The following AVEN variants were observed in gnomAD, a reference collection of about 807,000 sequenced individuals.
AVEN encodes the protein cell death regulator Aven.
Under a neutral mutation model 38.1 loss-of-function variants are expected in AVEN, and 41 were observed. That is an observed-to-expected ratio of 1.08 (90% CI 0.84 to 1.40). AVEN has a LOEUF of 1.40. AVEN is among the 40% of genes most tolerant of loss of function. AVEN has a pLI of 0.00. For missense variants in AVEN, 605 were observed against 438.8 expected (o/e 1.38, Z -3.38); for synonymous variants, 206 against 171.8 (o/e 1.20, Z -1.56).
At chr15:33,961,870 T>A (rs1490642312) in intron 2 of AVEN, among the ~76,000 whole-genome samples, 1 of 140,676 alleles carries the variant, frequency 7.1e-6, no homozygotes, top group Non-Finnish European at 1.5e-5. Context: ...CTGAGGAGAG[T>A]GTGTTCCTAT....
chr15:34,037,016 G>A (rs2140786409), intron 1 of AVEN, among the ~76,000 whole-genome samples: 1 of 152,012 alleles, frequency 6.6e-6, no homozygotes, highest in South Asian at 2.1e-4. Context: ...GGCTGAGGCA[G>A]GAGAATCACT....
intron 2 of AVEN, among the ~76,000 whole-genome samples, chr15:33,948,129 G>A (rs1218372211): frequency 7.1e-6 from 1 of 140,924 alleles, no homozygotes; most frequent in Non-Finnish European, 1.5e-5. Context: ...ATGGAGTCTC[G>A]CTCTGTCTCC....
At chr15:34,019,674 TA>T (rs1361262518) in intron 1 of AVEN, among the ~76,000 whole-genome samples, 1 of 152,198 alleles carries the variant, frequency 6.6e-6, no homozygotes, top group Non-Finnish European at 1.5e-5. Flanking sequence ...CACAAATACT[TA>T]CCATTGTGAT....
At position 33,884,701 on chromosome 15, in the gene AVEN, C is replaced by A. The variant is rs573715486; in HGVS notation, c.446-8706G>T. Among the ~76,000 whole-genome samples, 434 of 152,176 alleles carry A rather than the reference C, an allele frequency of 2.9e-3. 2 individuals carry two copies. The highest frequency in any genetic ancestry group is 5.0e-3 in the Non-Finnish European group (338 of 67,994). On this transcript the variant is annotated intron_variant, in intron 2 of 5. Transcript: ENST00000306730. The stretch of plus-strand genomic sequence containing the variant: ...AACAAAAAAAGGGCTTTCAGTCAAG[C>A]AAAAGTACTTAACAAAGCTATCCAG...
intron 1 of AVEN, among the ~76,000 whole-genome samples, chr15:34,024,897 G>A (rs1246307504): frequency 6.6e-6 from 1 of 150,906 alleles, no homozygotes; most frequent in East Asian, 2.0e-4. Context: ...AAGAAAGGTG[G>A]CGAGGCCGGG....
chr15:33,917,391 C>CT (rs1466419356), intron 2 of AVEN, among the ~76,000 whole-genome samples: 1 of 314 alleles, frequency 3.2e-3, no homozygotes, highest in Non-Finnish European at 9.3e-3. Context: ...CACACACACA[C>CT]ACACACATGG....
intron 2 of AVEN, among the ~76,000 whole-genome samples, chr15:33,896,787 A>C (rs1892250503): frequency 1.3e-5 from 2 of 152,310 alleles, no homozygotes; most frequent in Non-Finnish European, 1.5e-5. Flanking sequence ...CAAATCTGTT[A>C]AATGTTCCTC....
intron 2 of AVEN, among the ~76,000 whole-genome samples, chr15:33,896,656 T>A (rs907254447): frequency 6.6e-6 from 1 of 152,186 alleles, no homozygotes; most frequent in African/African-American, 2.4e-5. Flanking sequence ...TTTTTAACAA[T>A]CAACTCTGAA....
At chr15:33,949,485 T>C (rs896575476) in intron 2 of AVEN, among the ~76,000 whole-genome samples, 2 of 152,368 alleles carry the variant, frequency 1.3e-5, no homozygotes, top group Middle Eastern at 3.4e-3. Context: ...TTATTCATTG[T>C]ATGCATCAAA....
At chr15:33,990,390 A>G (rs1247719878) in intron 2 of AVEN, among the ~76,000 whole-genome samples, 1 of 152,148 alleles carries the variant, frequency 6.6e-6, no homozygotes, top group Non-Finnish European at 1.5e-5. Flanking sequence ...TGAAAAAAAA[A>G]AGAAAAGAAA....
At chr15:33,869,995 T>A (rs913860279) in intron 4 of AVEN, among the ~76,000 whole-genome samples, 1 of 152,158 alleles carries the variant, frequency 6.6e-6, no homozygotes, top group African/African-American at 2.4e-5. Context: ...TTGACTGTTA[T>A]TTCCACTTGG....
rs886227583 is a variant in AVEN at position 33,921,703 on chromosome 15, C to G, written c.446-45708G>C. Among the ~76,000 whole-genome samples, 80 of 151,678 alleles carry G rather than the reference C, an allele frequency of 5.3e-4. 1 individual carries two copies. Among genetic ancestry groups the G allele is most frequent in the Non-Finnish European group, 1.5e-4 (10 of 67,952 alleles). On this transcript the variant is annotated intron_variant, in intron 2 of 5. Coordinates refer to ENST00000306730, the MANE Select transcript of AVEN (RefSeq NM_020371.3). The stretch of plus-strand genomic sequence containing the variant: ...TGAGGGTTTGAGCATCAGAAAGGCT[C>G]ATTTGGACACTTCCTTTCCTATTCT...
At chr15:34,057,023 A>G (rs579975) in intron 5 of AVEN, among the ~76,000 whole-genome samples, 96,362 of 152,018 alleles carry the variant, frequency 0.63, 32,306 homozygotes, top group South Asian at 0.78. Context: ...TTAGCACCAC[A>G]AAGCATCTAA....
At chr15:33,904,708 T>TGC (rs1892625430) in intron 2 of AVEN, among the ~76,000 whole-genome samples, 1 of 114,988 alleles carries the variant, frequency 8.7e-6, no homozygotes, top group Admixed American at 8.8e-5. Context: ...TATATATATA[T>TGC]ATATATATAC....
chr15:34,001,532 C>T (rs73387940), intron 2 of AVEN, among the ~76,000 whole-genome samples: 13,665 of 152,136 alleles, frequency 0.09, 717 homozygotes, highest in South Asian at 0.21. Flanking sequence ...CTTCATTCCC[C>T]TTCTCCCACC....
intron 2 of AVEN, among the ~76,000 whole-genome samples, chr15:33,882,878 TCAAA>T (rs754394039): frequency 2.6e-5 from 4 of 151,870 alleles, no homozygotes; most frequent in South Asian, 2.1e-4. Flanking sequence ...AGACCCTGTC[TCAAA>T]CAAACAAACA....
intron 2 of AVEN, among the ~76,000 whole-genome samples, chr15:33,893,796 T>C (rs1030940175): frequency 6.6e-6 from 1 of 152,168 alleles, no homozygotes; most frequent in Non-Finnish European, 1.5e-5. Context: ...TCTGATTAGC[T>C]ACTTCTGGCT....
intron 2 of AVEN, among the ~76,000 whole-genome samples, chr15:33,890,415 A>G (rs1891889950): frequency 6.6e-6 from 1 of 152,242 alleles, no homozygotes; most frequent in South Asian, 2.1e-4. Flanking sequence ...ATGCAAGAAT[A>G]AATGAGCAAA....
chr15:33,918,913 T>C (rs956685973), intron 2 of AVEN, among the ~76,000 whole-genome samples: 1 of 142,050 alleles, frequency 7.0e-6, no homozygotes, highest in African/African-American at 2.5e-5. Flanking sequence ...AGCCCATGCC[T>C]CTGCTTTTCT....
Sources: gnomAD v4.1 joint callset for allele counts (sites outside exome capture counted in the v4.1 genomes callset) on GRCh38, gnomAD v4.1.1 for gene constraint, MANE v1.5 for transcripts, NCBI Gene and HGNC (gene_info 2026-07-23, HGNC 2026-07-21) for gene names.